Variants in TRAM2 observed in about 807,000 individuals in gnomAD.
The protein encoded by TRAM2 is translocating chain-associated membrane protein 2.
TRAM2 carries 12 observed loss-of-function variants against 51.0 expected under a neutral mutation model. The ratio of observed to expected loss-of-function variants is 0.24; its 90% CI spans 0.15 to 0.38. TRAM2 has a LOEUF of 0.38. TRAM2 is among the 10% of genes least tolerant of loss of function. The pLI is 1.00. For missense variants in TRAM2, 361 were observed against 462.0 expected (o/e 0.78, Z 2.00); for synonymous variants, 175 against 179.4 (o/e 0.98, Z 0.20).
chr6:52,549,162 T>C (rs1191601587), intron 1 of TRAM2, among the ~76,000 whole-genome samples: 2 of 152,208 alleles, frequency 1.3e-5, no homozygotes, highest in Non-Finnish European at 2.9e-5. Context: ...CTGTGCCCAT[T>C]TGTTTCAAAT....
At chr6:52,534,603 T>C (rs1307746402) in intron 2 of TRAM2, among the ~76,000 whole-genome samples, 1 of 152,176 alleles carries the variant, frequency 6.6e-6, no homozygotes, top group Non-Finnish European at 1.5e-5. Context: ...GTTTACACAA[T>C]GTTGACCCGC....
chr6:52,504,842 C>A, intron 9 of TRAM2, 88 bp from the exon 10 acceptor site: 3 of 1,236,508 alleles, frequency 2.4e-6, no homozygotes, highest in Admixed American at 2.2e-5. Flanking sequence ...GGGCCAGGGG[C>A]CCTGCAGTTC....
At chr6:52,519,137 C>G (rs988364584) in intron 2 of TRAM2, among the ~76,000 whole-genome samples, 1 of 152,218 alleles carries the variant, frequency 6.6e-6, no homozygotes, top group Admixed American at 6.5e-5. Flanking sequence ...GGCTGACGAA[C>G]CACGCACAGG....
chr6:52,516,313 A>T (rs919652237), intron 3 of TRAM2, 191 bp from the exon 4 acceptor site: 2 of 610,846 alleles, frequency 3.3e-6, no homozygotes, highest in African/African-American at 1.8e-5. Context: ...ATTTTGAGAA[A>T]GTGGCAAGAT....
chr6:52,555,071 T>C (rs77109434), intron 1 of TRAM2, among the ~76,000 whole-genome samples: 2,614 of 152,338 alleles, frequency 0.017, 41 homozygotes, highest in East Asian at 0.086. Flanking sequence ...CTTCTCTGAC[T>C]GGTCTAATAC....
intron 1 of TRAM2, among the ~76,000 whole-genome samples, chr6:52,548,431 C>T (rs1335427750): frequency 4.6e-5 from 7 of 152,230 alleles, no homozygotes; most frequent in South Asian, 2.1e-4. Context: ...CTGTGCTAAA[C>T]GCCAAACAGG....
chr6:52,515,128 G>T (rs527310265), intron 4 of TRAM2, among the ~76,000 whole-genome samples: 1 of 152,220 alleles, frequency 6.6e-6, no homozygotes, highest in Non-Finnish European at 1.5e-5. Context: ...GAAAGAAGAG[G>T]AAGAAAGTGA....
chr6:52,551,257 G>A (rs893197371), intron 1 of TRAM2, among the ~76,000 whole-genome samples: 1 of 152,134 alleles, frequency 6.6e-6, no homozygotes, highest in South Asian at 2.1e-4. Flanking sequence ...AAACATATCC[G>A]TTATGAATGG....
At chr6:52,526,366 C>G (rs931402307) in intron 2 of TRAM2, among the ~76,000 whole-genome samples, 5 of 152,130 alleles carry the variant, frequency 3.3e-5, no homozygotes, top group Non-Finnish European at 5.9e-5. Flanking sequence ...GAATGAAGGG[C>G]TGAAGAGAAG....
intron 2 of TRAM2, among the ~76,000 whole-genome samples, chr6:52,529,180 C>T (rs184285919): frequency 1.9e-3 from 288 of 152,276 alleles, no homozygotes; most frequent in African/African-American, 6.5e-3. Context: ...TGTGAGCCAC[C>T]GTGCCCAGCC....
At chr6:52,507,446 G>T in intron 7 of TRAM2, 107 bp downstream of exon 7, 2 of 1,124,440 alleles carry the variant, frequency 1.8e-6, no homozygotes, top group South Asian at 1.4e-5. Context: ...CATAGTGCTA[G>T]GCACACAGAG....
intron 1 of TRAM2, among the ~76,000 whole-genome samples, chr6:52,574,985 C>T (rs1261586131): frequency 3.9e-5 from 6 of 152,204 alleles, no homozygotes; most frequent in Non-Finnish European, 7.3e-5. Flanking sequence ...ATCTTTCCAG[C>T]CACACCCTCC....
At chr6:52,507,015 A>G (rs543371554) in intron 7 of TRAM2, among the ~76,000 whole-genome samples, 2 of 152,330 alleles carry the variant, frequency 1.3e-5, no homozygotes, top group Non-Finnish European at 2.9e-5. Context: ...GCTTATTAAC[A>G]TCAAAAGGAT....
Position 52,499,151 on chromosome 6 carries a change from G to A in TRAM2, c.*4046C>T, listed in dbSNP as rs1766152605. On this transcript the variant is annotated 3_prime_UTR_variant, in exon 11 of 11. Coordinates refer to ENST00000182527, the MANE Select transcript of TRAM2 (RefSeq NM_012288.4). ...TCCTCACTGGGACAACCTTGAGCTG[G>A]AGAGAGATCCTATTTAGGTTTTCCA... 1 of 151,780 alleles carries A rather than the reference G, an allele frequency of 6.6e-6. No homozygotes were observed. The highest frequency in any genetic ancestry group is 2.4e-5 in the African/African-American group (1 of 41,164). 9.4% of individuals were successfully genotyped at this position (151,780 alleles called of 1,614,324 possible).
intron 1 of TRAM2, among the ~76,000 whole-genome samples, chr6:52,555,064 C>T (rs1767380291): frequency 6.6e-6 from 1 of 152,202 alleles, no homozygotes; most frequent in Admixed American, 6.5e-5. Flanking sequence ...TTGTATCCTT[C>T]TCTGACTGGT....
At chr6:52,538,501 G>A (rs1165459731) in intron 1 of TRAM2, among the ~76,000 whole-genome samples, 1 of 152,168 alleles carries the variant, frequency 6.6e-6, no homozygotes, top group Non-Finnish European at 1.5e-5. Flanking sequence ...ATGAGGAGGT[G>A]CTGCTGGCCC....
intron 1 of TRAM2, among the ~76,000 whole-genome samples, chr6:52,561,797 G>A (rs1767506577): frequency 6.6e-6 from 1 of 151,698 alleles, no homozygotes; most frequent in African/African-American, 2.4e-5. Context: ...TCCTAGAGAC[G>A]GAGTTTCACT....
chr6:52,504,774 G>T lies in TRAM2; in HGVS notation c.876-20C>A, dbSNP rs1427858657. The T allele has an allele frequency of 1.9e-6, 3 of 1,582,678 alleles. No individual in the cohort carries two copies. Among genetic ancestry groups the T allele is most frequent in the East Asian group, 2.3e-5 (1 of 43,866 alleles). On this transcript the variant is annotated intron_variant, in intron 9 of 10. Transcript: ENST00000182527. ...CAGAGCCTGCAGAGCAGGGGGTTAG[G>T]GGCTTAGGCTGGGGCTTGGGCTCAC...
intron 2 of TRAM2, among the ~76,000 whole-genome samples, chr6:52,531,636 C>G (rs1442079483): frequency 2.0e-5 from 3 of 152,188 alleles, no homozygotes; most frequent in African/African-American, 7.2e-5. Context: ...TGTCTGCGCC[C>G]TCACTTGAGG....
Sources: gnomAD v4.1 joint callset for allele counts (sites outside exome capture counted in the v4.1 genomes callset) on GRCh38, gnomAD v4.1.1 for gene constraint, MANE v1.5 for transcripts, NCBI Gene and HGNC (gene_info 2026-07-23, HGNC 2026-07-21) for gene names.